The following SRCIN1 variants were observed in gnomAD, a reference collection of about 807,000 sequenced individuals.
SRCIN1 encodes SRC kinase signaling inhibitor 1.
Under a neutral mutation model 116.2 loss-of-function variants are expected in SRCIN1, and 50 were observed. That is an observed-to-expected ratio of 0.43 (90% CI 0.34 to 0.54). The LOEUF is 0.54. Among genes scored for constraint, SRCIN1 ranks in the 20% least tolerant of loss-of-function variants. The pLI, the probability that SRCIN1 is intolerant of heterozygous loss-of-function variation, is 0.02. For synonymous variants in SRCIN1, 736 were observed against 750.0 expected, an observed-to-expected ratio of 0.98 and a Z score of 0.30; for missense variants, 1,446 against 1,672.0, an observed-to-expected ratio of 0.86 and a Z score of 2.36.
intron 1 of SRCIN1, among the ~76,000 whole-genome samples, chr17:38,592,070 T>C (rs953993542): frequency 1.3e-5 from 2 of 152,218 alleles, no homozygotes; most frequent in Admixed American, 6.5e-5. Context: ...TCCTCCTCCC[T>C]GCCCTGCTGC....
At chr17:38,546,900 C>T (rs1343837015) in intron 17 of SRCIN1, among the ~76,000 whole-genome samples, 1 of 125,388 alleles carries the variant, frequency 8.0e-6, no homozygotes, top group Non-Finnish European at 1.6e-5. Context: ...GGGAGGCTCT[C>T]CTTCTCCAGA....
In SRCIN1 at chr17:38,562,270, G is replaced by C; in HGVS notation, c.893C>G (p.Ser298Ter). Residue 298 changes from serine (S) to a stop codon, truncating the protein, a stop_gained, in exon 7 of 19, where the codon TCA becomes TGA. Transcript: ENST00000617146. LOFTEE classifies it high-confidence loss of function. The surrounding 1 kb of genome is among the most constrained non-coding windows in gnomAD (Gnocchi z 4.2). Reference sequence around the variant, plus strand: ...GCCGGATGCCAGGTGCGGCGCTGGTGACAGGTTGTTGAGGCGCCGCGTGGG... The same window carrying C: ...GCCGGATGCCAGGTGCGGCGCTGGTCACAGGTTGTTGAGGCGCCGCGTGGG... The part of the protein sequence containing the change: ...SSPTRRLNNL[S>*]PAPHLASGSP... The C allele has an allele frequency of 6.8e-7, 1 of 1,478,262 alleles. No homozygotes were observed. The highest frequency in any genetic ancestry group is 8.9e-7 in the Non-Finnish European group (1 of 1,123,474). 91.6% of individuals were successfully genotyped at this position (1,478,262 alleles called of 1,614,324 possible).
In SRCIN1 at chr17:38,532,984, A is replaced by G; in HGVS notation, c.*313T>C. Reference sequence around the variant, plus strand: ...GGGGGAAAGAGTGGTGAAAGAGAAGAAGGAGAGATGTGACAGGTGCGGCCA... The same window carrying G: ...GGGGGAAAGAGTGGTGAAAGAGAAGGAGGAGAGATGTGACAGGTGCGGCCA... On this transcript the variant is annotated 3_prime_UTR_variant, in exon 19 of 19. Coordinates refer to ENST00000617146, the MANE Select transcript of SRCIN1 (RefSeq NM_025248.3). The surrounding 1 kb of genome is among the most constrained non-coding windows in gnomAD (Gnocchi z 4.3). 1 of 201,108 alleles carries G rather than the reference A, an allele frequency of 5.0e-6. No individual in the cohort carries two copies. The highest frequency in any genetic ancestry group is 9.8e-6 in the Non-Finnish European group (1 of 101,682). The allele number at this position is 201,108 out of a possible 1,614,324, so 12.5% of individuals were successfully genotyped here.
rs374944860 is a variant in SRCIN1, at chr17:38,601,662, G to GCGCA, written c.22+4021_22+4022insTGCG. ...CGCACACACACACACACGCTCGCGC[G>GCGCA]CACACACACACACACACACATCGCT... On this transcript the variant is annotated intron_variant, in intron 1 of 18. Transcript: ENST00000617146. 1.4e-3 allele frequency among the ~76,000 whole-genome samples: 203 copies of GCGCA among 149,940 alleles called. 3 individuals carry two copies. In the South Asian group the frequency reaches 0.037, roughly 28 times the overall value.
rs1047089695 is a variant in SRCIN1 at position 38,604,908 on chromosome 17, T to G, written c.22+776A>C. 7.2e-6 allele frequency among the ~76,000 whole-genome samples: 1 copy of G among 138,078 alleles called. No homozygotes were observed. Among genetic ancestry groups the G allele is most frequent in the Non-Finnish European group, 1.5e-5 (1 of 64,848 alleles). The allele number at this position is 138,078 out of a possible 152,430, so 90.6% of individuals were successfully genotyped here. A position where few individuals can be genotyped will look rare whatever the true frequency, so the allele number is the denominator to read the frequency against. On this transcript the variant is annotated intron_variant, in intron 1 of 18. Transcript: ENST00000617146. The surrounding 1 kb of genome is among the most constrained non-coding windows in gnomAD (Gnocchi z 4.3). Reference sequence around the variant, plus strand: ...GCTGGGGGCGCCCTCCCCTGCCCCCTGGCCTCTGCAGGGGGAGGGGTTAAG... The same window carrying G: ...GCTGGGGGCGCCCTCCCCTGCCCCCGGGCCTCTGCAGGGGGAGGGGTTAAG...
intron 15 of SRCIN1, among the ~76,000 whole-genome samples, chr17:38,549,932 G>A (rs1228060417): frequency 2.6e-5 from 4 of 152,160 alleles, no homozygotes; most frequent in African/African-American, 9.7e-5. Flanking sequence ...TGGAGTACCC[G>A]CTCTCACTAG....
chr17:38,570,466 C>T (rs980058118), intron 2 of SRCIN1, among the ~76,000 whole-genome samples: 3 of 152,250 alleles, frequency 2.0e-5, no homozygotes, highest in Non-Finnish European at 4.4e-5. Context: ...CTCAGAGCCA[C>T]CTACGTACAA....
chr17:38,593,449 G>A (rs1386295843), intron 1 of SRCIN1, among the ~76,000 whole-genome samples: 1 of 152,152 alleles, frequency 6.6e-6, no homozygotes, highest in East Asian at 1.9e-4. Flanking sequence ...AAAGCTTCAG[G>A]TGAAGGCGGA....
intron 1 of SRCIN1, among the ~76,000 whole-genome samples, chr17:38,599,260 G>A (rs73982844): frequency 0.022 from 3,287 of 152,270 alleles, 134 homozygotes; most frequent in African/African-American, 0.076. Flanking sequence ...TCACACAGCA[G>A]TAGGGGAGAC....
intron 1 of SRCIN1, among the ~76,000 whole-genome samples, chr17:38,584,187 G>A (rs1233219573): frequency 6.6e-6 from 1 of 152,170 alleles, no homozygotes; most frequent in African/African-American, 2.4e-5. Context: ...AGGGAACTCT[G>A]GGGGAAGGGA....
chr17:38,552,455 C>G lies in SRCIN1; in HGVS notation c.2472G>C (p.Gln824His). 1 of 1,600,978 alleles carries G rather than the reference C, an allele frequency of 6.2e-7. No individual in the cohort carries two copies. Among genetic ancestry groups the G allele is most frequent in the South Asian group, 1.1e-5 (1 of 89,010 alleles). ...GTCAGGGACAGAATGACCTTCGGATCTGGGCCAGCGTGTCCGTGACCCCGC... is the reference window on the plus strand; with the variant it reads ...GTCAGGGACAGAATGACCTTCGGATGTGGGCCAGCGTGTCCGTGACCCCGC... ...RCRGVTDTLAQIRRQVDEGVW... is the reference protein window; with the variant it reads ...RCRGVTDTLAHIRRQVDEGVW... Residue 824 changes from glutamine to histidine, a missense_variant, in exon 13 of 19, where the codon CAG (glutamine) becomes CAC (histidine). Gln to His is a conservative substitution (Grantham distance 24, BLOSUM62 0). This residue lies in a region of SRCIN1 where 531 missense variants were observed against 633.9 expected (regional missense o/e 0.84). Coordinates refer to ENST00000617146, the MANE Select transcript of SRCIN1 (RefSeq NM_025248.3). This position sits in a 1 kb window ranked among gnomAD's most constrained non-coding sequence, Gnocchi z 5.3.
Position 38,563,447 on chromosome 17 carries a change from G to A in SRCIN1, c.616C>T (p.Leu206=). 6.4e-7 allele frequency: 1 copy of A among 1,560,458 alleles called. No homozygotes were observed. The highest frequency in any genetic ancestry group is 1.4e-5 in the African/African-American group (1 of 73,684). Residue 206 remains leucine, a synonymous_variant, in exon 5 of 19, where the codon CTG becomes TTG. Transcript: ENST00000617146. The surrounding 1 kb of genome is among the most constrained non-coding windows in gnomAD (Gnocchi z 5.8). The part of the protein sequence containing the change: ...ITHEVSSLDT[L]HALIAHMFPQ... The stretch of plus-strand genomic sequence containing the variant: ...AACATGTGCGCGATGAGTGCGTGCA[G>A]CGTGTCCAGGCTGCTGACCTCGTGC...
intron 18 of SRCIN1, among the ~76,000 whole-genome samples, chr17:38,535,814 CT>C (rs535507092): frequency 1.4e-4 from 21 of 151,854 alleles, no homozygotes; most frequent in Non-Finnish European, 2.6e-4. Context: ...CCAGTTCCCC[CT>C]GATGTCTCTT....
chr17:38,595,803 CAT>C (rs958730655), intron 1 of SRCIN1, among the ~76,000 whole-genome samples: 10 of 152,370 alleles, frequency 6.6e-5, no homozygotes, highest in African/African-American at 2.4e-4. Context: ...CCTGCACACA[CAT>C]GTACATGCAC....
At position 38,561,454 on chromosome 17, in the gene SRCIN1, G is replaced by C; in HGVS notation, c.1700+9C>G. 6.4e-7 allele frequency: 1 copy of C among 1,555,228 alleles called. No homozygotes were observed. On this transcript the variant is annotated intron_variant, in intron 7 of 18. Transcript: ENST00000617146. ...CCCCAGTCCCTGAGGCCTGGTTAAC[G>C]TCCCTCACCTGGTCTCCGTGTCCTT...
At chr17:38,594,848 C>T (rs1010543419) in intron 1 of SRCIN1, among the ~76,000 whole-genome samples, 1 of 152,078 alleles carries the variant, frequency 6.6e-6, no homozygotes, top group African/African-American at 2.4e-5. Context: ...GGCGGCTTCC[C>T]CTGCCCATAC....
intron 16 of SRCIN1, 127 bp from the exon 17 acceptor site, chr17:38,548,836 G>T: frequency 7.3e-7 from 1 of 1,360,816 alleles, no homozygotes; most frequent in Non-Finnish European, 9.7e-7. Flanking sequence ...ACCCCTGCCA[G>T]GGTGTCCCTC....
In SRCIN1 at chr17:38,563,816, A is replaced by C. The variant is rs1906465528; in HGVS notation, c.542-295T>G. 1 of 632,916 alleles carries C rather than the reference A, an allele frequency of 1.6e-6. No individual in the cohort carries two copies. The highest frequency in any genetic ancestry group is 1.8e-5 in the African/African-American group (1 of 54,310). The allele number at this position is 632,916 out of a possible 1,614,324, so 39.2% of individuals were successfully genotyped here. A position where few individuals can be genotyped will look rare whatever the true frequency, so the allele number is the denominator to read the frequency against. On this transcript the variant is annotated intron_variant, in intron 4 of 18. Coordinates refer to ENST00000617146, the MANE Select transcript of SRCIN1 (RefSeq NM_025248.3). This position sits in a 1 kb window ranked among gnomAD's most constrained non-coding sequence, Gnocchi z 5.8. Reference sequence around the variant, plus strand: ...GCGGAAACTGAGGGGAAGTGAGCTGAGGGAGAGAGAGGTTGGAGAGAGTTA... The same window carrying C: ...GCGGAAACTGAGGGGAAGTGAGCTGCGGGAGAGAGAGGTTGGAGAGAGTTA...
intron 2 of SRCIN1, 31 bp downstream of exon 2, chr17:38,578,459 C>CAGCCGA (rs57343488): frequency 2.9e-5 from 44 of 1,540,208 alleles, no homozygotes; most frequent in Non-Finnish European, 3.6e-5. Context: ...GCCGCGGCCG[C>CAGCCGA]AGCCGCAGCC....
Sources: allele counts gnomAD v4.1 joint callset (sites outside exome capture counted in the v4.1 genomes callset), GRCh38; gene constraint gnomAD v4.1.1; regional missense constraint gnomAD v4.1.1; non-coding constraint Gnocchi (gnomAD v3.1); transcripts MANE v1.5; gene names NCBI Gene and HGNC (gene_info 2026-07-23, HGNC 2026-07-21).